Variants in MCTP2 observed in about 807,000 individuals in gnomAD.
The protein encoded by MCTP2 is multiple C2 and transmembrane domain containing 2, also known as multiple C2 and transmembrane domain-containing protein 2.
In MCTP2, 132 loss-of-function variants were observed where a neutral mutation model predicts 111.6. The observed-to-expected ratio is 1.18, with a 90% CI of 1.03 to 1.37. The LOEUF is 1.37. MCTP2 is among the 40% of genes most tolerant of loss of function. The pLI is 0.00. For missense variants in MCTP2, 1,183 were observed against 1,067.9 expected (o/e 1.11, Z -1.50); for synonymous variants, 395 against 387.7 (o/e 1.02, Z -0.22).
At chr15:94,307,112 C>T (rs1217661343) in intron 2 of MCTP2, among the ~76,000 whole-genome samples, 1 of 152,130 alleles carries the variant, frequency 6.6e-6, no homozygotes, top group Non-Finnish European at 1.5e-5. Flanking sequence ...TGTTGAACGC[C>T]TGCTTTGTGC....
At chr15:94,403,228 C>A in intron 17 of MCTP2, 1 of 985,370 alleles carries the variant, frequency 1.0e-6, no homozygotes, top group Non-Finnish European at 1.2e-6. Context: ...AACATTTGGC[C>A]TTAATAAAAA....
At chr15:94,356,028 A>G in intron 8 of MCTP2, 109 bp from the exon 9 acceptor site, 1 of 1,394,610 alleles carries the variant, frequency 7.2e-7, no homozygotes, top group Non-Finnish European at 9.3e-7. Flanking sequence ...CCAGGCAGGG[A>G]GGAATTTTTT....
At chr15:94,461,801 TC>T (rs1404249896) in intron 20 of MCTP2, among the ~76,000 whole-genome samples, 1 of 152,088 alleles carries the variant, frequency 6.6e-6, no homozygotes, top group African/African-American at 2.4e-5. Context: ...GGGGCTGGAA[TC>T]CAGGTTTGAT....
chr15:94,274,207 T>C (rs923924092), intron 1 of MCTP2, among the ~76,000 whole-genome samples: 2 of 149,108 alleles, frequency 1.3e-5, no homozygotes, highest in African/African-American at 2.4e-5. Context: ...TCAGGAAATA[T>C]ACTGAACTGA....
intron 7 of MCTP2, chr15:94,342,420 T>A (rs991006467): frequency 6.6e-6 from 1 of 152,130 alleles, no homozygotes; most frequent in Non-Finnish European, 1.5e-5. Flanking sequence ...TTCCTCTTAG[T>A]GTAGGCCTGG....
At chr15:94,474,859 G>GTTT (rs11456362) in intron 21 of MCTP2, among the ~76,000 whole-genome samples, 14 of 149,922 alleles carry the variant, frequency 9.3e-5, no homozygotes, top group African/African-American at 3.2e-4. Flanking sequence ...TTTATCCTAA[G>GTTT]TTTTTTTTTT....
At chr15:94,349,466 G>A (rs778383005) in intron 8 of MCTP2, among the ~76,000 whole-genome samples, 2 of 152,108 alleles carry the variant, frequency 1.3e-5, no homozygotes, top group East Asian at 1.9e-4. Context: ...AATTAGTGAC[G>A]GAGGTATTCA....
At chr15:94,304,316 C>A (rs2075784085) in intron 2 of MCTP2, among the ~76,000 whole-genome samples, 1 of 152,154 alleles carries the variant, frequency 6.6e-6, no homozygotes, top group Admixed American at 6.5e-5. Context: ...GTGGCACATG[C>A]CTGTGGTCCC....
rs2074697917 is a variant in MCTP2 at position 94,480,997 on chromosome 15, T to C, written c.*1963T>C. ...AGAAAACAATTGTTAGTTGATTAAG[T>C]AGACATTGGATGTTTGTTAGAAAGG... is the stretch of plus-strand genomic sequence containing the variant. On this transcript the variant is annotated 3_prime_UTR_variant, in exon 23 of 23. Transcript: ENST00000357742. The C allele has an allele frequency of 6.6e-6, 1 of 152,214 alleles. No homozygotes were observed. The highest frequency in any genetic ancestry group is 2.1e-4 in the South Asian group (1 of 4,834). 9.4% of individuals were successfully genotyped at this position (152,214 alleles called of 1,614,324 possible).
intron 12 of MCTP2, among the ~76,000 whole-genome samples, chr15:94,378,332 G>T (rs148748076): frequency 6.6e-6 from 1 of 151,318 alleles, no homozygotes; most frequent in East Asian, 2.0e-4. Context: ...GACCAGACTG[G>T]TCAACATGAT....
chr15:94,301,488 C>G (rs2075608369), intron 2 of MCTP2, among the ~76,000 whole-genome samples: 2 of 152,224 alleles, frequency 1.3e-5, no homozygotes, highest in South Asian at 4.1e-4. Flanking sequence ...CTTATCTTCT[C>G]CACTAGGCTG....
In MCTP2 at chr15:94,298,248, T is replaced by C. The variant is rs1426257166; in HGVS notation, c.-18T>C. On this transcript the variant is annotated 5_prime_UTR_variant, in exon 2 of 23. Coordinates refer to ENST00000357742, the MANE Select transcript of MCTP2 (RefSeq NM_001385001.1). Reference sequence around the variant, plus strand: ...AGGTGTACTTCTGAGAAGTGGCTTCTTGGGTCTTCATGCAGCCATGGATCT... The same window carrying C: ...AGGTGTACTTCTGAGAAGTGGCTTCCTGGGTCTTCATGCAGCCATGGATCT... The C allele has an allele frequency of 1.3e-6, 2 of 1,578,314 alleles. No individual in the cohort carries two copies. Among genetic ancestry groups the C allele is most frequent in the East Asian group, 2.2e-5 (1 of 44,618 alleles).
rs542683266 is a variant in MCTP2, at chr15:94,453,247, T to TAACA, written c.2251-4889_2251-4886dup. On this transcript the variant is annotated intron_variant, in intron 19 of 22. Coordinates refer to ENST00000357742, the MANE Select transcript of MCTP2 (RefSeq NM_001385001.1). ...CACTGTGACCAGAGTTCTCAAAGAC[T>TAACA]AACACCAGGTTAACTCTAACAACCA... Among the ~76,000 whole-genome samples the TAACA allele has an allele frequency of 4.6e-3, 701 of 152,358 alleles. 4 individuals carry two copies. The highest frequency in any genetic ancestry group is 0.016 in the African/African-American group (661 of 41,582).
chr15:94,404,526 C>T (rs7170322), intron 17 of MCTP2, among the ~76,000 whole-genome samples: 33,134 of 151,858 alleles, frequency 0.22, 4,356 homozygotes, highest in African/African-American at 0.36. Flanking sequence ...GGTCTTGAAC[C>T]TCGACCTTGT....
At chr15:94,428,843 A>G (rs2083017294) in intron 17 of MCTP2, among the ~76,000 whole-genome samples, 1 of 152,096 alleles carries the variant, frequency 6.6e-6, no homozygotes. Context: ...AATAACTCAG[A>G]TCACATAGTC....
chr15:94,249,910 C>G (rs962877745), intron 1 of MCTP2, among the ~76,000 whole-genome samples: 5 of 152,104 alleles, frequency 3.3e-5, no homozygotes, highest in African/African-American at 1.2e-4. Flanking sequence ...TGTCTGAAAG[C>G]ACACATACAA....
Position 94,298,448 on chromosome 15 carries a change from G to C in MCTP2, c.183G>C (p.Leu61Phe). ...CTGATCTCCTGGAGGCTGAGGCCTTGGCCCCAGAGGGCCGGCCTTACTCCG... is the reference window on the plus strand; with the variant it reads ...CTGATCTCCTGGAGGCTGAGGCCTTCGCCCCAGAGGGCCGGCCTTACTCCG... ...SVPDLLEAEA[L>F]APEGRPYSGP... The change falls in exon 2 of 23, where the codon TTG becomes TTC. Residue 61 changes from leucine to phenylalanine, a missense_variant. Physicochemically the swap from Leu to Phe is conservative, Grantham distance 22. Coordinates refer to ENST00000357742, the MANE Select transcript of MCTP2 (RefSeq NM_001385001.1). 3 of 1,614,120 alleles carry C rather than the reference G, an allele frequency of 1.9e-6. No individual in the cohort carries two copies. The South Asian group carries it at 3.3e-5, about 18-fold the overall frequency.
intron 17 of MCTP2, among the ~76,000 whole-genome samples, chr15:94,415,100 G>A (rs970145700): frequency 6.6e-6 from 1 of 152,082 alleles, no homozygotes. Context: ...TGGCTAAAAA[G>A]CCTTAGGGAA....
At chr15:94,448,250 A>G (rs1213746829) in intron 19 of MCTP2, among the ~76,000 whole-genome samples, 1 of 152,226 alleles carries the variant, frequency 6.6e-6, no homozygotes, top group Non-Finnish European at 1.5e-5. Flanking sequence ...AACCTTATTC[A>G]GAGCATCCTG....
Sources: allele counts gnomAD v4.1 joint callset (sites outside exome capture counted in the v4.1 genomes callset), GRCh38; gene constraint gnomAD v4.1.1; transcripts MANE v1.5; gene names NCBI Gene and HGNC (gene_info 2026-07-23, HGNC 2026-07-21).